SP4: variants seen among roughly 807,000 people sequenced by gnomAD.
The protein encoded by SP4 is transcription factor Sp4.
In SP4, 19 loss-of-function variants were observed where a neutral mutation model predicts 72.8. That is an observed-to-expected ratio of 0.26 (90% CI 0.18 to 0.38). SP4 has a LOEUF of 0.38. SP4 is among the 10% of genes least tolerant of loss of function. SP4 has a pLI of 1.00. For missense variants in SP4, 1,008 were observed against 926.3 expected (o/e 1.09, Z -1.14); for synonymous variants, 395 against 333.1 (o/e 1.19, Z -2.02).
rs377307253 is a variant in SP4, at chr7:21,484,244, T to C, written c.2107+2121T>C. Among the ~76,000 whole-genome samples, 3 of 152,112 alleles carry C rather than the reference T, an allele frequency of 2.0e-5. No individual in the cohort carries two copies. The East Asian group carries it at 5.8e-4, about 29-fold the overall frequency. On this transcript the variant is annotated intron_variant, in intron 5 of 5. Coordinates refer to ENST00000222584, the MANE Select transcript of SP4 (RefSeq NM_003112.5). ...ATTTCGGATTTTTTCAGATTTTGCA[T>C]GTGCACAATGCAATACTTCGGGGAT...
At chr7:21,484,074 A>T (rs1188241894) in intron 5 of SP4, among the ~76,000 whole-genome samples, 1 of 151,896 alleles carries the variant, frequency 6.6e-6, no homozygotes, top group Non-Finnish European at 1.5e-5. Context: ...ATTAGAAAGT[A>T]GTATCAGAAA....
In SP4 at chr7:21,429,250, TTCC is replaced by T. The variant is rs530926653; in HGVS notation, c.124-38_124-36del. 2.6e-4 allele frequency: 300 copies of T among 1,159,476 alleles called. 2 individuals carry two copies. The highest frequency in any genetic ancestry group is 5.9e-4 in the South Asian group (41 of 68,910). 71.8% of individuals were successfully genotyped at this position (1,159,476 alleles called of 1,614,324 possible). ...CCTCCACTAAATCCGCCCACTTTTT[TTCC>T]CCCCCCCCTCTCCTTTACCGTCCCA... On this transcript the variant is annotated intron_variant, in intron 2 of 5. Transcript: ENST00000222584.
chr7:21,488,053 A>G (rs1784868818), intron 5 of SP4, among the ~76,000 whole-genome samples: 1 of 151,928 alleles, frequency 6.6e-6, no homozygotes, highest in South Asian at 2.1e-4. Context: ...TTGCAGAGAC[A>G]GATTTTTCTC....
rs1403138518 is a variant in SP4, at chr7:21,513,293, AG to A, written c.*2026del. The A allele has an allele frequency of 6.6e-6, 1 of 152,118 alleles. No homozygotes were observed. The highest frequency in any genetic ancestry group is 3.4e-3 in the Middle Eastern group (1 of 294). 9.4% of individuals were successfully genotyped at this position (152,118 alleles called of 1,614,324 possible). A position where few individuals can be genotyped will look rare whatever the true frequency, so the allele number is the denominator to read the frequency against. Reference sequence around the variant, plus strand: ...TTGTATAAAAAAGCTTTGAGATTAAAGGAAAAAAAAAATTTTTACACTGTGG... The same window carrying A: ...TTGTATAAAAAAGCTTTGAGATTAAAGAAAAAAAAAATTTTTACACTGTGG... On this transcript the variant is annotated 3_prime_UTR_variant, in exon 6 of 6. Transcript: ENST00000222584.
At chr7:21,474,874 A>T (rs1389501781) in intron 3 of SP4, among the ~76,000 whole-genome samples, 1 of 152,232 alleles carries the variant, frequency 6.6e-6, no homozygotes, top group Non-Finnish European at 1.5e-5. Flanking sequence ...GTGACAAAAT[A>T]AATTTTTTAA....
intron 5 of SP4, among the ~76,000 whole-genome samples, chr7:21,494,533 A>G (rs1167781553): frequency 1.3e-5 from 2 of 152,220 alleles, no homozygotes; most frequent in South Asian, 2.1e-4. Context: ...CATTTGTAAT[A>G]TGATGAAAAC....
chr7:21,477,728 G>A (rs28705754), intron 4 of SP4, among the ~76,000 whole-genome samples: 23,232 of 151,836 alleles, frequency 0.15, 3,742 homozygotes, highest in East Asian at 0.62. Flanking sequence ...TTTAGTAGAG[G>A]CGGGGTTTCA....
Position 21,428,203 on chromosome 7 carries a change from C to CCCCCCAA in SP4, c.-49_-48insCCCCCAA. On this transcript the variant is annotated 5_prime_UTR_variant, in exon 1 of 6. Transcript: ENST00000222584. ...CTCCCGCCTCGCCCCCACCCCCACC[C>CCCCCCAA]ACCTCTATCCCAGTGTCTCCGTCTG... 6 of 1,216,700 alleles carry CCCCCCAA rather than the reference C, an allele frequency of 4.9e-6. No individual in the cohort carries two copies. Among genetic ancestry groups the CCCCCCAA allele is most frequent in the East Asian group, 2.8e-5 (1 of 35,136 alleles). The allele number at this position is 1,216,700 out of a possible 1,614,324, so 75.4% of individuals were successfully genotyped here.
chr7:21,507,849 CAT>C (rs1782041075), intron 5 of SP4, among the ~76,000 whole-genome samples: 1 of 152,090 alleles, frequency 6.6e-6, no homozygotes, highest in Admixed American at 6.5e-5. Flanking sequence ...GGAATCACTT[CAT>C]CCATTCTCTG....
At position 21,428,186 on chromosome 7, in the gene SP4, T is replaced by TCCC; in HGVS notation, c.-65_-64insCCC. 1.3e-5 allele frequency: 4 copies of TCCC among 297,750 alleles called. No individual in the cohort carries two copies. Among genetic ancestry groups the TCCC allele is most frequent in the South Asian group, 5.9e-5 (2 of 34,134 alleles). 18.4% of individuals were successfully genotyped at this position (297,750 alleles called of 1,614,324 possible). On this transcript the variant is annotated 5_prime_UTR_variant, in exon 1 of 6. Coordinates refer to ENST00000222584, the MANE Select transcript of SP4 (RefSeq NM_003112.5). ...GGCGGGACCGGCCTCTCCTCCCGCC[T>TCCC]CGCCCCCACCCCCACCCACCTCTAT...
At chr7:21,472,040 G>T (rs941500588) in intron 3 of SP4, among the ~76,000 whole-genome samples, 2 of 152,154 alleles carry the variant, frequency 1.3e-5, no homozygotes, top group Non-Finnish European at 2.9e-5. Context: ...AGGAAAGTGG[G>T]CTAAGCTATC....
intron 5 of SP4, among the ~76,000 whole-genome samples, chr7:21,491,291 CAGT>C (rs1350741764): frequency 1.3e-5 from 2 of 152,104 alleles, no homozygotes; most frequent in Middle Eastern, 3.4e-3. Context: ...ATCAGATGCT[CAGT>C]AGCTAAGTGG....
intron 3 of SP4, among the ~76,000 whole-genome samples, chr7:21,448,165 ATATT>A (rs1306593757): frequency 6.6e-6 from 1 of 152,192 alleles, no homozygotes; most frequent in Non-Finnish European, 1.5e-5. Context: ...ACTTTAACAA[ATATT>A]TAGTTACCCA....
At chr7:21,457,829 G>C (rs1035592712) in intron 3 of SP4, among the ~76,000 whole-genome samples, 3 of 151,998 alleles carry the variant, frequency 2.0e-5, no homozygotes, top group Non-Finnish European at 4.4e-5. Context: ...GTCTTGCTCT[G>C]TTGGCCAAGA....
intron 3 of SP4, among the ~76,000 whole-genome samples, chr7:21,435,392 A>G (rs1338807364): frequency 6.6e-6 from 1 of 152,180 alleles, no homozygotes; most frequent in African/African-American, 2.4e-5. Context: ...TTATTGGTAA[A>G]AATAGGTACC....
rs1782765453 is a variant in SP4, at chr7:21,429,655, C to A, written c.490C>A (p.Gln164Lys). ...IQVQNPSGSV[Q>K]YQVIPQLQTV... Reference sequence around the variant, plus strand: ...AGTACAAAATCCAAGTGGTAGTGTACAGTACCAAGTAATTCCACAACTTCA... The same window carrying A: ...AGTACAAAATCCAAGTGGTAGTGTAAAGTACCAAGTAATTCCACAACTTCA... Residue 164 changes from glutamine (Q) to lysine (K), a missense_variant, in exon 3 of 6, where the codon CAG becomes AAG. Transcript: ENST00000222584. 6.2e-7 allele frequency: 1 copy of A among 1,613,954 alleles called. No homozygotes were observed. The highest frequency in any genetic ancestry group is 2.2e-5 in the East Asian group (1 of 44,904).
intron 4 of SP4, among the ~76,000 whole-genome samples, chr7:21,478,353 G>A (rs931316622): frequency 2.6e-5 from 4 of 151,964 alleles, no homozygotes; most frequent in African/African-American, 9.7e-5. Context: ...GTGGGCATAT[G>A]TTTTCATTTC....
chr7:21,440,804 C>A (rs181957181), intron 3 of SP4, among the ~76,000 whole-genome samples: 2 of 152,110 alleles, frequency 1.3e-5, no homozygotes, highest in Non-Finnish European at 1.5e-5. Flanking sequence ...GAGCTGAGAT[C>A]GTGCCACTGC....
intron 3 of SP4, among the ~76,000 whole-genome samples, chr7:21,431,107 A>T (rs951707229): frequency 6.6e-6 from 1 of 152,218 alleles, no homozygotes. Flanking sequence ...TCTGATTAGA[A>T]TCATAATTGC....
Sources: gnomAD v4.1 joint callset for allele counts (sites outside exome capture counted in the v4.1 genomes callset) on GRCh38, gnomAD v4.1.1 for gene constraint, MANE v1.5 for transcripts, NCBI Gene and HGNC (gene_info 2026-07-23, HGNC 2026-07-21) for gene names.